Variants in MKLN1 observed in about 807,000 individuals in gnomAD.
MKLN1 encodes muskelin 1.
Under a neutral mutation model 99.0 loss-of-function variants are expected in MKLN1, and 18 were observed. The observed-to-expected ratio is 0.18, with a 90% CI of 0.13 to 0.27. The LOEUF is 0.27. MKLN1 is among the 10% of genes least tolerant of loss of function. MKLN1 has a pLI of 1.00. For synonymous variants in MKLN1, 288 were observed against 293.2 expected, an observed-to-expected ratio of 0.98 and a Z score of 0.18; for missense variants, 621 against 875.9, an observed-to-expected ratio of 0.71 and a Z score of 3.67.
intron 12 of MKLN1, among the ~76,000 whole-genome samples, chr7:131,448,116 T>G (rs1796069920): frequency 6.6e-6 from 1 of 152,086 alleles, no homozygotes; most frequent in Non-Finnish European, 1.5e-5. Context: ...TAGTCCCAGC[T>G]ACTCGGGAGG....
At chr7:131,356,773 G>A (rs750675654) in intron 1 of MKLN1, among the ~76,000 whole-genome samples, 4 of 152,118 alleles carry the variant, frequency 2.6e-5, no homozygotes, top group Non-Finnish European at 4.4e-5. Flanking sequence ...TATCCAAATC[G>A]TGTGCGCCAA....
At chr7:131,329,943 A>C (rs1320458894) in intron 1 of MKLN1, among the ~76,000 whole-genome samples, 1 of 152,244 alleles carries the variant, frequency 6.6e-6, no homozygotes. Context: ...AATCCTTATG[A>C]CATTCTATTG....
chr7:131,191,354 C>A (rs1796538545), intron 2 of MKLN1, among the ~76,000 whole-genome samples: 1 of 152,148 alleles, frequency 6.6e-6, no homozygotes, highest in African/African-American at 2.4e-5. Context: ...TTGCATCAAG[C>A]CGGCGAAGAT....
chr7:131,200,335 T>C (rs537552772), intron 2 of MKLN1, among the ~76,000 whole-genome samples: 1 of 152,228 alleles, frequency 6.6e-6, no homozygotes, highest in Non-Finnish European at 1.5e-5. Flanking sequence ...ATTAAACTCA[T>C]ATTTGGGCAA....
At chr7:131,269,790 C>T (rs1359432044) in intron 3 of MKLN1, among the ~76,000 whole-genome samples, 1 of 152,184 alleles carries the variant, frequency 6.6e-6, no homozygotes, top group Admixed American at 6.5e-5. Flanking sequence ...TTAGCTTCCT[C>T]AAATAATGTT....
intron 1 of MKLN1, among the ~76,000 whole-genome samples, chr7:131,137,155 T>C (rs538768345): frequency 6.6e-6 from 1 of 152,282 alleles, no homozygotes; most frequent in South Asian, 2.1e-4. Context: ...ACTTGGCCCT[T>C]GATCCTATTT....
intron 2 of MKLN1, among the ~76,000 whole-genome samples, chr7:131,159,794 GA>G (rs1300475295): frequency 3.3e-5 from 5 of 151,592 alleles, no homozygotes; most frequent in Non-Finnish European, 4.4e-5. Flanking sequence ...ATTATAATGG[GA>G]AAAAAAATAG....
At chr7:131,207,696 C>A (rs35246187) in intron 3 of MKLN1, among the ~76,000 whole-genome samples, 27,150 of 152,026 alleles carry the variant, frequency 0.18, 2,937 homozygotes, top group African/African-American at 0.3. Context: ...CCCAGCTAAC[C>A]ACTGATCCAG....
intron 1 of MKLN1, among the ~76,000 whole-genome samples, chr7:131,365,905 G>C (rs565091792): frequency 3.3e-5 from 5 of 152,224 alleles, no homozygotes; most frequent in African/African-American, 1.2e-4. Flanking sequence ...GTGTTCACAT[G>C]TAGTGGAAGC....
At chr7:131,140,372 C>T (rs1309718244) in intron 1 of MKLN1, among the ~76,000 whole-genome samples, 4 of 152,094 alleles carry the variant, frequency 2.6e-5, no homozygotes, top group African/African-American at 4.8e-5. Context: ...ATATTTGTGT[C>T]CTCCAAACCT....
chr7:131,359,266 C>A (rs1482626645), intron 1 of MKLN1, among the ~76,000 whole-genome samples: 1 of 152,046 alleles, frequency 6.6e-6, no homozygotes, highest in Non-Finnish European at 1.5e-5. Context: ...CTGCTTTGAC[C>A]CATGTATCAT....
intron 2 of MKLN1, among the ~76,000 whole-genome samples, chr7:131,188,993 A>C (rs1048128797): frequency 6.6e-6 from 1 of 152,208 alleles, no homozygotes; most frequent in Non-Finnish European, 1.5e-5. Context: ...AAATGTGTAC[A>C]TATCACATGA....
chr7:131,202,316 C>T (rs1157303073), intron 2 of MKLN1, among the ~76,000 whole-genome samples: 1 of 151,854 alleles, frequency 6.6e-6, no homozygotes, highest in Non-Finnish European at 1.5e-5. Context: ...GGGGTTTCAC[C>T]ATGTTGGCCA....
chr7:131,133,164 A>G (rs2116232495), intron 1 of MKLN1, among the ~76,000 whole-genome samples: 1 of 151,656 alleles, frequency 6.6e-6, no homozygotes, highest in Middle Eastern at 3.4e-3. Context: ...CAGAAGCTAG[A>G]TGGCCACTTG....
chr7:131,149,950 A>G lies in MKLN1; in HGVS notation c.-297+7009A>G, dbSNP rs541603852. Among the ~76,000 whole-genome samples, 9 of 152,306 alleles carry G rather than the reference A, an allele frequency of 5.9e-5. No homozygotes were observed. In the East Asian group the frequency reaches 1.5e-3, roughly 26 times the overall value. ...AAGTTTGTTAAAAGATCAAGGCAGA[A>G]GGCTAGCGCTGCTTTGCTGCTGTGA... On this transcript the variant is annotated intron_variant, in intron 2 of 7. Transcript: ENST00000416992.
At chr7:131,290,041 T>G (rs1006545547) in intron 3 of MKLN1, among the ~76,000 whole-genome samples, 1 of 152,194 alleles carries the variant, frequency 6.6e-6, no homozygotes, top group Non-Finnish European at 1.5e-5. Flanking sequence ...TGCGGTGGGT[T>G]GCACCTGTAA....
chr7:131,198,373 T>A (rs559288390), intron 2 of MKLN1, among the ~76,000 whole-genome samples: 59 of 152,014 alleles, frequency 3.9e-4, no homozygotes, highest in East Asian at 1.2e-3. Context: ...TGGAAAAAAA[T>A]TTTTTTTTAA....
chr7:131,375,190 GTGCCTTA>G (rs1389486538), intron 1 of MKLN1, among the ~76,000 whole-genome samples: 2 of 152,094 alleles, frequency 1.3e-5, no homozygotes, highest in Admixed American at 1.3e-4. Flanking sequence ...TTAAACAAAA[GTGCCTTA>G]TGAAAAGTCT....
chr7:131,288,015 C>A (rs1171994806), intron 3 of MKLN1, among the ~76,000 whole-genome samples: 1 of 152,192 alleles, frequency 6.6e-6, no homozygotes, highest in Non-Finnish European at 1.5e-5. Context: ...AATTAAACCT[C>A]TTTCCTTTAT....
Sources: allele counts gnomAD v4.1 joint callset (sites outside exome capture counted in the v4.1 genomes callset), GRCh38; gene constraint gnomAD v4.1.1; transcripts MANE v1.5; gene names NCBI Gene and HGNC (gene_info 2026-07-23, HGNC 2026-07-21).